Variants in ZBTB14 observed in about 807,000 individuals in gnomAD.
ZBTB14 encodes the protein zinc finger and BTB domain containing 14.
Under a neutral mutation model 29.5 loss-of-function variants are expected in ZBTB14, and 8 were observed. The observed-to-expected ratio is 0.27, with a 90% CI of 0.16 to 0.49. The LOEUF (loss-of-function observed/expected upper bound fraction) is 0.49, where lower values mean the gene tolerates loss of function less well. Among genes scored for constraint, ZBTB14 ranks in the 20% least tolerant of loss-of-function variants. The pLI is 0.99. For missense variants in ZBTB14, 333 were observed against 563.8 expected, an observed-to-expected ratio of 0.59 and a Z score of 4.15; for synonymous variants, 226 against 207.2, an observed-to-expected ratio of 1.09 and a Z score of -0.78.
intron 2 of ZBTB14, 121 bp from the exon 3 acceptor site, chr18:5,293,448 G>T: frequency 3.4e-6 from 2 of 594,948 alleles, no homozygotes; most frequent in Non-Finnish European, 6.0e-6. Flanking sequence ...TTTCAGGTTG[G>T]GGAGAGTGGC....
rs1054981505 is a variant in ZBTB14, at chr18:5,293,247, G to A, written c.-1C>T. 1 of 1,613,032 alleles carries A rather than the reference G, an allele frequency of 6.2e-7. No individual in the cohort carries two copies. The highest frequency in any genetic ancestry group is 8.5e-7 in the Non-Finnish European group (1 of 1,179,662). On this transcript the variant is annotated 5_prime_UTR_variant, in exon 3 of 4. Transcript: ENST00000651870. The stretch of plus-strand genomic sequence containing the variant: ...TAATATCCAAAGTTATAGTTACCAT[G>A]AACAACTCAGGCTATTATCTTAATG...
chr18:5,294,353 G>C (rs1392671601), intron 1 of ZBTB14, among the ~76,000 whole-genome samples: 2 of 152,202 alleles, frequency 1.3e-5, no homozygotes, highest in Non-Finnish European at 2.9e-5. Context: ...ACCTTACACT[G>C]TGACACTTAC....
intron 3 of ZBTB14, 99 bp downstream of exon 3, chr18:5,293,145 C>A: frequency 7.9e-7 from 1 of 1,260,584 alleles, no homozygotes; most frequent in Non-Finnish European, 1.1e-6. Context: ...TTCCCCCAGA[C>A]AAATAGAAGT....
At chr18:5,293,115 A>G in intron 3 of ZBTB14, 129 bp downstream of exon 3, 2 of 1,020,520 alleles carry the variant, frequency 2.0e-6, no homozygotes, top group Non-Finnish European at 2.8e-6. Flanking sequence ...ACATTGTTTT[A>G]CTTTTATTCG....
At position 5,291,661 on chromosome 18, in the gene ZBTB14, G is replaced by C; in HGVS notation, c.547C>G (p.Pro183Ala). 6.2e-7 allele frequency: 1 copy of C among 1,614,066 alleles called. No individual in the cohort carries two copies. Among genetic ancestry groups the C allele is most frequent in the Non-Finnish European group, 8.5e-7 (1 of 1,180,034 alleles). ...PSDDTVEGTP[P>A]SQEDGKSPTT... ...GGCGACTTGCCGTCCTCCTGACTCGGGGGTGTGCCTTCTACTGTGTCATCA... is the reference window on the plus strand; with the variant it reads ...GGCGACTTGCCGTCCTCCTGACTCGCGGGTGTGCCTTCTACTGTGTCATCA... Residue 183 changes from proline (P) to alanine (A), a missense_variant, in exon 4 of 4, where the codon CCG becomes GCG. Physicochemically the swap from Pro to Ala is conservative, Grantham distance 27. This residue lies in a region of ZBTB14 where 126 missense variants were observed against 132.2 expected (regional missense o/e 0.95). Coordinates refer to ENST00000651870, the MANE Select transcript of ZBTB14 (RefSeq NM_001243702.2). This position sits in a 1 kb window ranked among gnomAD's most constrained non-coding sequence, Gnocchi z 5.8.
In ZBTB14 at chr18:5,291,228, T is replaced by C; in HGVS notation, c.980A>G (p.His327Arg). The change falls in exon 4 of 4, where the codon CAC (histidine) becomes CGC (arginine). Residue 327 changes from histidine to arginine, a missense_variant. Transcript: ENST00000651870. The surrounding 1 kb of genome is among the most constrained non-coding windows in gnomAD (Gnocchi z 5.8). ...ACAGCTATAGGGCTTATATCCTGTG[T>C]GGATTTTTAGGTGTTCTTTCAGGTG... ...QAHLKEHLKIHTGYKPYSCEV... is the reference protein window; with the variant it reads ...QAHLKEHLKIRTGYKPYSCEV... 6.2e-7 allele frequency: 1 copy of C among 1,614,250 alleles called. No homozygotes were observed. Among genetic ancestry groups the C allele is most frequent in the Non-Finnish European group, 8.5e-7 (1 of 1,180,046 alleles).
In ZBTB14 at chr18:5,289,177, C is replaced by T. The variant is rs1356128102; in HGVS notation, c.*1681G>A. On this transcript the variant is annotated 3_prime_UTR_variant, in exon 4 of 4. Transcript: ENST00000651870. The stretch of plus-strand genomic sequence containing the variant: ...TCCCCTTCTATAAGTAGCATAAAAA[C>T]ACAGTGACAGGACTACTTTTAGAAC... 6.6e-6 allele frequency: 1 copy of T among 152,168 alleles called. No homozygotes were observed. The highest frequency in any genetic ancestry group is 1.5e-5 in the Non-Finnish European group (1 of 68,008). The allele number at this position is 152,168 out of a possible 1,614,324, so 9.4% of individuals were successfully genotyped here.
upstream of ZBTB14, chr18:5,296,017 G>C (rs945644791): frequency 6.6e-5 from 10 of 151,736 alleles, no homozygotes; most frequent in African/African-American, 2.4e-4. Context: ...CACGAGCACA[G>C]AATGTCTAGC....
At chr18:5,293,420 G>A (rs1472444262) in intron 2 of ZBTB14, 93 bp from the exon 3 acceptor site, 3 of 712,664 alleles carry the variant, frequency 4.2e-6, no homozygotes, top group African/African-American at 3.6e-5. Context: ...AAACTTTCTT[G>A]TTCCCTCTTT....
Position 5,290,625 on chromosome 18 carries a change from C to A in ZBTB14, c.*233G>T. ...AAAAAAAAAGGGAGAGAGGTGCTTACTGGGCAACATTAATACTAGACACCA... is the reference window on the plus strand; with the variant it reads ...AAAAAAAAAGGGAGAGAGGTGCTTAATGGGCAACATTAATACTAGACACCA... On this transcript the variant is annotated 3_prime_UTR_variant, in exon 4 of 4. Coordinates refer to ENST00000651870, the MANE Select transcript of ZBTB14 (RefSeq NM_001243702.2). 3.2e-5 allele frequency: 11 copies of A among 343,732 alleles called. No individual in the cohort carries two copies. The highest frequency in any genetic ancestry group is 4.5e-5 in the Non-Finnish European group (10 of 223,692). The allele number at this position is 343,732 out of a possible 1,614,324, so 21.3% of individuals were successfully genotyped here.
chr18:5,294,572 C>T (rs1394151443), intron 1 of ZBTB14, among the ~76,000 whole-genome samples: 1 of 152,134 alleles, frequency 6.6e-6, no homozygotes, highest in African/African-American at 2.4e-5. Context: ...GCCGCCTCCT[C>T]CCCGCCCCGC....
At position 5,290,706 on chromosome 18, in the gene ZBTB14, TC is replaced by T; in HGVS notation, c.*151del. On this transcript the variant is annotated 3_prime_UTR_variant, in exon 4 of 4. Transcript: ENST00000651870. ...TGAGGAACACCATTTCCTTGAAAAGTCTTAAAAATAGCTAACCAAGCACTGC... is the reference window on the plus strand; with the variant it reads ...TGAGGAACACCATTTCCTTGAAAAGTTTAAAAATAGCTAACCAAGCACTGC... The T allele has an allele frequency of 8.4e-7, 1 of 1,194,194 alleles. No individual in the cohort carries two copies. The highest frequency in any genetic ancestry group is 1.6e-5 in the South Asian group (1 of 63,436). 74.0% of individuals were successfully genotyped at this position (1,194,194 alleles called of 1,614,324 possible). A position where few individuals can be genotyped will look rare whatever the true frequency, so the allele number is the denominator to read the frequency against.
rs1302477498 is a variant in ZBTB14, at chr18:5,291,772, G to C, written c.436C>G (p.Leu146Val). 6.8e-6 allele frequency: 11 copies of C among 1,613,978 alleles called. No homozygotes were observed. Among genetic ancestry groups the C allele is most frequent in the African/African-American group, 1.3e-5 (1 of 75,022 alleles). Residue 146 changes from leucine to valine, a missense_variant, in exon 4 of 4, where the codon CTT becomes GTT. Around this residue, in one of 3 missense-constraint regions of ZBTB14, gnomAD observed 126 missense variants for 132.2 expected, o/e 0.95. Transcript: ENST00000651870. This position sits in a 1 kb window ranked among gnomAD's most constrained non-coding sequence, Gnocchi z 5.8. Reference protein sequence around the residue: ...NNGQSKSKYCLKINRPIGDAA... With the variant: ...NNGQSKSKYCVKINRPIGDAA... ...TCTCCAATGGGGCGATTTATTTTAA[G>C]GCAATACTTACTTTTGGACTGACCA...
intron 3 of ZBTB14, among the ~76,000 whole-genome samples, chr18:5,292,850 T>C (rs1349916372): frequency 2.6e-5 from 4 of 152,220 alleles, no homozygotes; most frequent in Non-Finnish European, 5.9e-5. Context: ...ACAGCACTTT[T>C]GGGCCACTTC....
At chr18:5,292,496 G>A (rs193024007) in intron 3 of ZBTB14, among the ~76,000 whole-genome samples, 2 of 152,284 alleles carry the variant, frequency 1.3e-5, no homozygotes, top group Non-Finnish European at 2.9e-5. Flanking sequence ...TCATGAGTAC[G>A]TATCACTATC....
At chr18:5,296,243 G>A (rs577121492), upstream of ZBTB14, 1 of 150,562 alleles carries the variant, frequency 6.6e-6, no homozygotes, top group South Asian at 2.1e-4. Flanking sequence ...GCGCACGCGC[G>A]CGGCTTGGGG....
At position 5,289,446 on chromosome 18, in the gene ZBTB14, C is replaced by A. The variant is rs1244908250; in HGVS notation, c.*1412G>T. The A allele has an allele frequency of 1.3e-5, 2 of 152,158 alleles. No individual in the cohort carries two copies. Among genetic ancestry groups the A allele is most frequent in the Non-Finnish European group, 2.9e-5 (2 of 68,020 alleles). The allele number at this position is 152,158 out of a possible 1,614,324, so 9.4% of individuals were successfully genotyped here. ...ATGAAAAATGAGTTTGAAAAATTGACATTTTCTACAATTCTACATTTTGAA... is the reference window on the plus strand; with the variant it reads ...ATGAAAAATGAGTTTGAAAAATTGAAATTTTCTACAATTCTACATTTTGAA... On this transcript the variant is annotated 3_prime_UTR_variant, in exon 4 of 4. Transcript: ENST00000651870.
At position 5,289,393 on chromosome 18, in the gene ZBTB14, TTTAA is replaced by T. The variant is rs1348585715; in HGVS notation, c.*1461_*1464del. On this transcript the variant is annotated 3_prime_UTR_variant, in exon 4 of 4. Coordinates refer to ENST00000651870, the MANE Select transcript of ZBTB14 (RefSeq NM_001243702.2). Reference sequence around the variant, plus strand: ...GCAACAAGCTATGAAGTGAAATTACTTTAATTTTTTTAAAAGAAATCCTAGCAAT... The same window carrying T: ...GCAACAAGCTATGAAGTGAAATTACTTTTTTTTAAAAGAAATCCTAGCAAT... The T allele has an allele frequency of 6.6e-6, 1 of 152,160 alleles. No homozygotes were observed. Among genetic ancestry groups the T allele is most frequent in the Non-Finnish European group, 1.5e-5 (1 of 68,024 alleles). The allele number at this position is 152,160 out of a possible 1,614,324, so 9.4% of individuals were successfully genotyped here.
chr18:5,291,540 A>G lies in ZBTB14; in HGVS notation c.668T>C (p.Met223Thr). ...VNCYGQEVESMETPESKDLGS... is the reference protein window; with the variant it reads ...VNCYGQEVESTETPESKDLGS... ...CAAGTCTTTTGATTCTGGGGTCTCC[A>G]TGGATTCTACTTCCTGGCCGTAGCA... Residue 223 changes from methionine to threonine, a missense_variant, in exon 4 of 4, where the codon ATG becomes ACG. Around this residue, in one of 3 missense-constraint regions of ZBTB14, gnomAD observed 126 missense variants for 132.2 expected, o/e 0.95. Coordinates refer to ENST00000651870, the MANE Select transcript of ZBTB14 (RefSeq NM_001243702.2). This position sits in a 1 kb window ranked among gnomAD's most constrained non-coding sequence, Gnocchi z 5.8. The G allele has an allele frequency of 2.5e-6, 4 of 1,614,076 alleles. No individual in the cohort carries two copies. The highest frequency in any genetic ancestry group is 3.4e-6 in the Non-Finnish European group (4 of 1,180,026).
Sources: gnomAD v4.1 joint callset for allele counts (sites outside exome capture counted in the v4.1 genomes callset) on GRCh38, gnomAD v4.1.1 for gene constraint, gnomAD v4.1.1 regional missense constraint, Gnocchi (gnomAD v3.1) non-coding constraint, MANE v1.5 for transcripts, NCBI Gene and HGNC (gene_info 2026-07-23, HGNC 2026-07-21) for gene names.